Variants in KCNIP4 observed in about 807,000 individuals in gnomAD.
KCNIP4 encodes the protein potassium voltage-gated channel interacting protein 4.
KCNIP4 carries 12 observed loss-of-function variants against 34.0 expected under a neutral mutation model. The observed-to-expected ratio is 0.35, with a 90% CI of 0.23 to 0.57. KCNIP4 has a LOEUF of 0.57. Ranked by LOEUF, KCNIP4 falls within the 20% of genes least tolerant of loss-of-function variation. KCNIP4 has a pLI of 0.83. For synonymous variants in KCNIP4, 124 were observed against 102.2 expected (o/e 1.21, Z -1.29); for missense variants, 238 against 311.7 (o/e 0.76, Z 1.78).
At chr4:20,875,937 G>C (rs1254440188) in intron 2 of KCNIP4, among the ~76,000 whole-genome samples, 1 of 152,172 alleles carries the variant, frequency 6.6e-6, no homozygotes. Context: ...CTGAAACACA[G>C]TTAGGAAATT....
intron 1 of KCNIP4, among the ~76,000 whole-genome samples, chr4:21,869,481 A>G (rs568306036): frequency 1.3e-5 from 2 of 152,216 alleles, no homozygotes; most frequent in African/African-American, 2.4e-5. Context: ...TTCTCCTCCT[A>G]GGTCTCAACC....
At chr4:21,780,001 G>T (rs963137346) in intron 1 of KCNIP4, among the ~76,000 whole-genome samples, 5 of 151,942 alleles carry the variant, frequency 3.3e-5, no homozygotes, top group Non-Finnish European at 7.4e-5. Flanking sequence ...ACAATGGCTA[G>T]AAGACACAGT....
intron 1 of KCNIP4, among the ~76,000 whole-genome samples, chr4:21,561,998 G>A (rs555584664): frequency 1.1e-3 from 171 of 151,864 alleles, no homozygotes; most frequent in Non-Finnish European, 2.2e-3. Flanking sequence ...GCTTGGTCAG[G>A]GTATAGAATT....
intron 1 of KCNIP4, among the ~76,000 whole-genome samples, chr4:21,287,274 C>A (rs531932195): frequency 2.0e-5 from 3 of 152,208 alleles, no homozygotes; most frequent in Non-Finnish European, 1.5e-5. Context: ...AAATAAGTAT[C>A]ATTTACATGA....
At chr4:20,791,758 G>T (rs1578628072) in intron 3 of KCNIP4, among the ~76,000 whole-genome samples, 1 of 152,192 alleles carries the variant, frequency 6.6e-6, no homozygotes, top group Non-Finnish European at 1.5e-5. Flanking sequence ...TATTCTAGCT[G>T]TTCTCTGAAG....
intron 1 of KCNIP4, among the ~76,000 whole-genome samples, chr4:21,602,484 GC>G (rs1675930585): frequency 1.3e-5 from 2 of 152,106 alleles, no homozygotes; most frequent in Admixed American, 1.3e-4. Context: ...GAGTGATGGA[GC>G]CTTAAGACTA....
At chr4:21,856,510 C>T (rs2109343921) in intron 1 of KCNIP4, among the ~76,000 whole-genome samples, 1 of 152,292 alleles carries the variant, frequency 6.6e-6, no homozygotes, top group South Asian at 2.1e-4. Flanking sequence ...CAGGCGGAAG[C>T]TCCACCCCCT....
chr4:21,334,757 T>G (rs1716002574), intron 1 of KCNIP4, among the ~76,000 whole-genome samples: 1 of 151,850 alleles, frequency 6.6e-6, no homozygotes, highest in South Asian at 2.1e-4. Flanking sequence ...ATAAAATGTA[T>G]TATACAGTAT....
intron 1 of KCNIP4, among the ~76,000 whole-genome samples, chr4:21,507,527 A>T (rs1377343847): frequency 6.6e-6 from 1 of 152,040 alleles, no homozygotes; most frequent in African/African-American, 2.4e-5. Context: ...AAAGTGCTAG[A>T]ATTACAGGCA....
chr4:21,238,292 T>C (rs1288023925), intron 1 of KCNIP4, among the ~76,000 whole-genome samples: 2 of 152,128 alleles, frequency 1.3e-5, no homozygotes, highest in Non-Finnish European at 2.9e-5. Context: ...GGGCAAAAAC[T>C]GGAAGCATTC....
At chr4:21,326,800 G>A (rs1263187922) in intron 1 of KCNIP4, among the ~76,000 whole-genome samples, 1 of 151,174 alleles carries the variant, frequency 6.6e-6, no homozygotes, top group Non-Finnish European at 1.5e-5. Flanking sequence ...TTAATTTTTT[G>A]TGTGTCTGTT....
intron 1 of KCNIP4, among the ~76,000 whole-genome samples, chr4:21,554,922 C>G (rs775514525): frequency 5.3e-5 from 8 of 152,088 alleles, no homozygotes; most frequent in Non-Finnish European, 1.2e-4. Flanking sequence ...AATCTTGGTC[C>G]TATTCAATTT....
intron 1 of KCNIP4, among the ~76,000 whole-genome samples, chr4:20,926,336 G>A (rs1046354417): frequency 6.6e-6 from 1 of 152,186 alleles, no homozygotes; most frequent in Non-Finnish European, 1.5e-5. Context: ...GGAATAGAAT[G>A]CAACTTTTTA....
chr4:21,186,609 T>C (rs1755247987), intron 1 of KCNIP4, among the ~76,000 whole-genome samples: 2 of 152,168 alleles, frequency 1.3e-5, no homozygotes. Context: ...AAAGAACACG[T>C]ACAATTTTCC....
At chr4:21,852,374 G>T (rs1724466530) in intron 1 of KCNIP4, 1 of 152,148 alleles carries the variant, frequency 6.6e-6, no homozygotes, top group Admixed American at 6.5e-5. Context: ...CCAGGGAAAG[G>T]GTGGTTCAGC....
intron 1 of KCNIP4, among the ~76,000 whole-genome samples, chr4:21,891,292 T>C (rs1727077004): frequency 2.0e-5 from 3 of 152,114 alleles, no homozygotes; most frequent in Admixed American, 2.0e-4. Flanking sequence ...TTGCCATTCA[T>C]GAATCTCACC....
chr4:21,923,216 G>A (rs980671891), intron 1 of KCNIP4, among the ~76,000 whole-genome samples: 1 of 152,090 alleles, frequency 6.6e-6, no homozygotes, highest in Non-Finnish European at 1.5e-5. Flanking sequence ...CCAACAGACT[G>A]GCCTGCCCAC....
intron 1 of KCNIP4, among the ~76,000 whole-genome samples, chr4:21,119,221 G>C (rs1327908716): frequency 6.6e-6 from 1 of 151,974 alleles, no homozygotes; most frequent in African/African-American, 2.4e-5. Flanking sequence ...AGCTGACCAG[G>C]AAAGATGAGA....
intron 1 of KCNIP4, among the ~76,000 whole-genome samples, chr4:21,517,615 T>C (rs2109939308): frequency 6.6e-6 from 1 of 152,262 alleles, no homozygotes; most frequent in South Asian, 2.1e-4. Context: ...TTATCCTGCC[T>C]AATACGAGTC....
Sources: gnomAD v4.1 joint callset for allele counts (sites outside exome capture counted in the v4.1 genomes callset) on GRCh38, gnomAD v4.1.1 for gene constraint, MANE v1.5 for transcripts, NCBI Gene and HGNC (gene_info 2026-07-23, HGNC 2026-07-21) for gene names.